XYLB: variants seen among roughly 807,000 people sequenced by gnomAD.
XYLB encodes xylulokinase.
XYLB carries 62 observed loss-of-function variants against 78.7 expected under a neutral mutation model. The observed-to-expected ratio is 0.79, with a 90% CI of 0.64 to 0.97. The LOEUF is 0.97. Among genes scored for constraint, XYLB ranks in the 50% least tolerant of loss-of-function variants. XYLB has a pLI of 0.00. For synonymous variants in XYLB, 245 were observed against 247.4 expected (o/e 0.99, Z 0.09); for missense variants, 687 against 676.8 (o/e 1.02, Z -0.17).
At chr3:38,388,330 A>C (rs1244631715) in intron 15 of XYLB, among the ~76,000 whole-genome samples, 4 of 152,086 alleles carry the variant, frequency 2.6e-5, no homozygotes, top group Non-Finnish European at 5.9e-5. Context: ...CATGGTGATG[A>C]TAGTTTATAA....
intron 3 of XYLB, among the ~76,000 whole-genome samples, chr3:38,361,943 T>G (rs1705998602): frequency 6.6e-6 from 1 of 152,082 alleles, no homozygotes; most frequent in African/African-American, 2.4e-5. Context: ...TGCCATGAAA[T>G]CTTAGGAGGG....
intron 2 of XYLB, among the ~76,000 whole-genome samples, chr3:38,358,937 C>T (rs1099933): frequency 0.86 from 131,186 of 152,238 alleles, 57,431 homozygotes; most frequent in East Asian, 1. Context: ...TATATCACCC[C>T]CCAAAAGATC....
At chr3:38,430,514 C>T in the XYLB span, among the ~76,000 whole-genome samples, 2 of 152,168 alleles carry the variant, frequency 1.3e-5, no homozygotes, top group Admixed American at 6.5e-5. Context: ...TTGCCTTTCA[C>T]TCTGTTGGTA....
At chr3:38,448,875 C>A in the XYLB span, among the ~76,000 whole-genome samples, 3 of 152,160 alleles carry the variant, frequency 2.0e-5, no homozygotes, top group African/African-American at 7.2e-5. Context: ...TTTCCCCATC[C>A]TGTGTGAATT....
chr3:38,366,719 A>G, intron 6 of XYLB, 89 bp from the exon 7 acceptor site: 1 of 902,828 alleles, frequency 1.1e-6, no homozygotes, highest in Non-Finnish European at 1.8e-6. Context: ...ACTCCTATCC[A>G]GAGCATGCTA....
chr3:38,422,614 G>T (rs982513591), downstream of XYLB, among the ~76,000 whole-genome samples: 7 of 152,048 alleles, frequency 4.6e-5, no homozygotes, highest in Non-Finnish European at 1.0e-4. Context: ...TTTATATTTT[G>T]CATTGTGAAG....
the XYLB span, among the ~76,000 whole-genome samples, chr3:38,450,590 C>T: frequency 7.2e-5 from 11 of 152,068 alleles, no homozygotes; most frequent in South Asian, 6.2e-4. Flanking sequence ...TTTGGTCACC[C>T]GATGTCTGAT....
chr3:38,416,697 T>C (rs1279776033), downstream of XYLB, among the ~76,000 whole-genome samples: 4 of 151,676 alleles, frequency 2.6e-5, no homozygotes, highest in Admixed American at 2.0e-4. Flanking sequence ...TCTGAAAAGG[T>C]AGAATTCAGG....
At chr3:38,436,346 C>T in the XYLB span, among the ~76,000 whole-genome samples, 3 of 152,226 alleles carry the variant, frequency 2.0e-5, no homozygotes, top group South Asian at 4.1e-4. Context: ...TTTCTGGACA[C>T]ATACAACCTA....
At chr3:38,400,225 T>C (rs991726418) in intron 17 of XYLB, among the ~76,000 whole-genome samples, 1 of 152,154 alleles carries the variant, frequency 6.6e-6, no homozygotes, top group African/African-American at 2.4e-5. Context: ...CTAGGCACCA[T>C]GGTTATAGTG....
intron 6 of XYLB, among the ~76,000 whole-genome samples, chr3:38,366,234 G>A (rs928898230): frequency 6.6e-6 from 1 of 152,130 alleles, no homozygotes; most frequent in African/African-American, 2.4e-5. Context: ...AGAAGTTTTG[G>A]GGATAGGGCC....
At chr3:38,348,122 T>C (rs1056118194) in intron 1 of XYLB, among the ~76,000 whole-genome samples, 2 of 152,218 alleles carry the variant, frequency 1.3e-5, no homozygotes, top group African/African-American at 2.4e-5. Flanking sequence ...CCTGTGAGAA[T>C]AGCCCATGGC....
chr3:38,389,669 C>A (rs1228665379), intron 15 of XYLB, among the ~76,000 whole-genome samples: 1 of 152,166 alleles, frequency 6.6e-6, no homozygotes, highest in African/African-American at 2.4e-5. Flanking sequence ...TTTTAGTTCA[C>A]CAGTAGTTGC....
At chr3:38,368,117 G>T (rs1380078912) in intron 7 of XYLB, 68 bp from the exon 8 acceptor site, 9 of 1,492,214 alleles carry the variant, frequency 6.0e-6, no homozygotes, top group Non-Finnish European at 8.4e-6. Flanking sequence ...CTTTGTGTGT[G>T]TCAGAAGCAT....
chr3:38,346,788 T>C lies in XYLB; in HGVS notation c.-81T>C, dbSNP rs1330504747. The C allele has an allele frequency of 5.7e-6, 8 of 1,393,724 alleles. No individual in the cohort carries two copies. The allele number at this position is 1,393,724 out of a possible 1,614,324, so 86.3% of individuals were successfully genotyped here. A position where few individuals can be genotyped will look rare whatever the true frequency, so the allele number is the denominator to read the frequency against. ...GGAGCTAGGGGCGGGCCCCTGCGTC[T>C]CTGGGCGCTGGAGCGCGGCGACTAT... On this transcript the variant is annotated 5_prime_UTR_variant, in exon 1 of 19. Transcript: ENST00000207870.
intron 4 of XYLB, 52 bp from the exon 5 acceptor site, chr3:38,365,147 G>T (rs373722096): frequency 6.5e-5 from 102 of 1,560,364 alleles, no homozygotes; most frequent in Non-Finnish European, 8.7e-5. Flanking sequence ...TCTTCAGGAG[G>T]CTGTGACACT....
intron 18 of XYLB, among the ~76,000 whole-genome samples, chr3:38,411,828 C>A (rs1430550763): frequency 6.6e-6 from 1 of 152,002 alleles, no homozygotes; most frequent in African/African-American, 2.4e-5. Flanking sequence ...ACCATAACTA[C>A]CTGGTGAGAA....
chr3:38,381,511 C>A (rs1240419198), intron 15 of XYLB, among the ~76,000 whole-genome samples: 1 of 152,198 alleles, frequency 6.6e-6, no homozygotes, highest in Admixed American at 6.5e-5. Context: ...TGCTGGTGAG[C>A]TGGGCAGAAC....
At chr3:38,361,467 T>A (rs2517970) in intron 3 of XYLB, among the ~76,000 whole-genome samples, 1 of 152,160 alleles carries the variant, frequency 6.6e-6, no homozygotes, top group South Asian at 2.1e-4. Context: ...CCCTGATTCA[T>A]ACACTGGAGA....
Sources: gnomAD v4.1 joint callset for allele counts (sites outside exome capture counted in the v4.1 genomes callset) on GRCh38, gnomAD v4.1.1 for gene constraint, MANE v1.5 for transcripts, NCBI Gene and HGNC (gene_info 2026-07-23, HGNC 2026-07-21) for gene names.